Variants in SLX4IP observed in about 807,000 individuals in gnomAD.
SLX4IP encodes protein SLX4IP.
In SLX4IP, 34 loss-of-function variants were observed where a neutral mutation model predicts 32.9. That is an observed-to-expected ratio of 1.03 (90% CI 0.79 to 1.38). The LOEUF (loss-of-function observed/expected upper bound fraction) is 1.38. Among genes scored for constraint, SLX4IP ranks in the 40% most tolerant of loss-of-function variants. The probability of loss-of-function intolerance (pLI) is 0.00; values close to 1 mark genes in which losing one functional copy is unlikely to be tolerated. For missense variants in SLX4IP, 444 were observed against 479.0 expected (o/e 0.93, Z 0.68); for synonymous variants, 172 against 171.7 (o/e 1.00, Z -0.01).
chr20:10,495,971 C>CT (rs2065664423), intron 2 of SLX4IP, among the ~76,000 whole-genome samples: 2 of 150,254 alleles, frequency 1.3e-5, no homozygotes, highest in African/African-American at 4.9e-5. Context: ...TTTTTCAGCC[C>CT]TTTTTGTGCA....
At chr20:10,480,789 C>T (rs912783303) in intron 2 of SLX4IP, among the ~76,000 whole-genome samples, 8 of 152,066 alleles carry the variant, frequency 5.3e-5, no homozygotes, top group African/African-American at 9.7e-5. Flanking sequence ...ATTTCATTTC[C>T]GGAATTGTTT....
chr20:10,523,087 A>G (rs965176889), intron 2 of SLX4IP, among the ~76,000 whole-genome samples: 21 of 152,098 alleles, frequency 1.4e-4, no homozygotes, highest in Non-Finnish European at 2.2e-4. Context: ...CTAAGTGCAA[A>G]CAGAGATCAA....
Position 10,477,857 on chromosome 20 carries a change from T to C in SLX4IP, c.27+19626T>C, listed in dbSNP as rs1600911388. On this transcript the variant is annotated intron_variant, in intron 2 of 7. Coordinates refer to ENST00000334534, the MANE Select transcript of SLX4IP (RefSeq NM_001009608.3). ...GGCATTTTATTTCAGCTGCTTAAGA[T>C]GTGAAATCTGTGTGTTGTGGTGTTC... 3.3e-5 allele frequency among the ~76,000 whole-genome samples: 5 copies of C among 151,958 alleles called. No homozygotes were observed. In the South Asian group the frequency reaches 8.3e-4, roughly 25 times the overall value.
chr20:10,622,280 ATG>A (rs780913879), intron 7 of SLX4IP, among the ~76,000 whole-genome samples: 2 of 151,924 alleles, frequency 1.3e-5, no homozygotes, highest in South Asian at 2.1e-4. Context: ...AATTGTGTGT[ATG>A]TGTACATTTG....
At chr20:10,563,820 A>AT (rs1336089170) in intron 4 of SLX4IP, among the ~76,000 whole-genome samples, 4 of 152,158 alleles carry the variant, frequency 2.6e-5, no homozygotes, top group Non-Finnish European at 5.9e-5. Flanking sequence ...TTTGTAGTAT[A>AT]TTTTGAAATC....
chr20:10,450,888 A>G (rs955151770), intron 1 of SLX4IP, among the ~76,000 whole-genome samples: 1 of 151,690 alleles, frequency 6.6e-6, no homozygotes, highest in African/African-American at 2.4e-5. Flanking sequence ...AGTAGCTGGG[A>G]CTACAGGCGC....
At chr20:10,616,390 TGAAATAAATAAATAAA>T (rs1568774822) in intron 6 of SLX4IP, among the ~76,000 whole-genome samples, 16 of 125,790 alleles carry the variant, frequency 1.3e-4, no homozygotes, top group South Asian at 2.4e-4. Flanking sequence ...AAAAAAAAAA[TGAAATAAATAAATAAA>T]TAAATAAATA....
chr20:10,444,759 T>C (rs2065187813), intron 1 of SLX4IP, among the ~76,000 whole-genome samples: 1 of 152,116 alleles, frequency 6.6e-6, no homozygotes, highest in Non-Finnish European at 1.5e-5. Flanking sequence ...TGTTTGAGCC[T>C]TTTTTAAAAT....
chr20:10,491,281 G>C (rs569218368), intron 2 of SLX4IP, among the ~76,000 whole-genome samples: 1 of 152,276 alleles, frequency 6.6e-6, no homozygotes, highest in South Asian at 2.1e-4. Context: ...TAAAGGAAAT[G>C]AAGAAATTAA....
chr20:10,587,126 A>C (rs1395552477), intron 4 of SLX4IP, among the ~76,000 whole-genome samples: 2 of 152,146 alleles, frequency 1.3e-5, no homozygotes, highest in Non-Finnish European at 2.9e-5. Context: ...TCAAATATAA[A>C]AGCAGAAATC....
chr20:10,481,617 A>T (rs990812507), intron 2 of SLX4IP, among the ~76,000 whole-genome samples: 10 of 152,162 alleles, frequency 6.6e-5, no homozygotes, highest in African/African-American at 2.2e-4. Context: ...TGCTATAGTA[A>T]CGCTGACTTT....
chr20:10,586,438 T>A (rs2066646164), intron 4 of SLX4IP, among the ~76,000 whole-genome samples: 1 of 152,184 alleles, frequency 6.6e-6, no homozygotes, highest in African/African-American at 2.4e-5. Flanking sequence ...ACGAATTTGC[T>A]AGTTGGTTAT....
intron 2 of SLX4IP, among the ~76,000 whole-genome samples, chr20:10,549,893 A>C (rs1161067080): frequency 6.6e-6 from 1 of 152,202 alleles, no homozygotes; most frequent in Non-Finnish European, 1.5e-5. Context: ...ATCACTATAA[A>C]ATTTTGCATT....
chr20:10,546,241 A>G (rs2066160833), intron 2 of SLX4IP, among the ~76,000 whole-genome samples: 1 of 152,192 alleles, frequency 6.6e-6, no homozygotes, highest in African/African-American at 2.4e-5. Context: ...CTTACGGACG[A>G]GTACATTGCA....
At chr20:10,612,576 G>A (rs766420653) in intron 6 of SLX4IP, among the ~76,000 whole-genome samples, 16 of 152,108 alleles carry the variant, frequency 1.1e-4, no homozygotes, top group African/African-American at 2.7e-4. Context: ...ATGCAGTTTC[G>A]CTCCTGTTGC....
At chr20:10,600,083 G>A (rs1038846796) in intron 5 of SLX4IP, among the ~76,000 whole-genome samples, 1 of 151,868 alleles carries the variant, frequency 6.6e-6, no homozygotes, top group East Asian at 1.9e-4. Context: ...AATGAATTCT[G>A]TGGCTCAGTT....
chr20:10,623,646 C>T lies in SLX4IP; in HGVS notation c.*267C>T. ...TTAGTAATGACAAAGAGCCATCCAC[C>T]TTGTCAGGGAGGAGACTGTGCAAGG... On this transcript the variant is annotated 3_prime_UTR_variant, in exon 8 of 8. Coordinates refer to ENST00000334534, the MANE Select transcript of SLX4IP (RefSeq NM_001009608.3). 1 of 487,756 alleles carries T rather than the reference C, an allele frequency of 2.1e-6. No homozygotes were observed. The highest frequency in any genetic ancestry group is 3.6e-6 in the Non-Finnish European group (1 of 278,070). The allele number at this position is 487,756 out of a possible 1,614,324, so 30.2% of individuals were successfully genotyped here. A position where few individuals can be genotyped will look rare whatever the true frequency, so the allele number is the denominator to read the frequency against.
intron 1 of SLX4IP, among the ~76,000 whole-genome samples, chr20:10,454,815 G>A (rs1275065464): frequency 3.3e-5 from 5 of 152,120 alleles, no homozygotes; most frequent in African/African-American, 1.2e-4. Context: ...ATTTTGAAAT[G>A]CTATCAAACT....
At chr20:10,567,381 G>T (rs1488780374) in intron 4 of SLX4IP, among the ~76,000 whole-genome samples, 1 of 152,122 alleles carries the variant, frequency 6.6e-6, no homozygotes, top group East Asian at 1.9e-4. Flanking sequence ...GTTTTAAAAG[G>T]GCTTGATGGA....
Sources: allele counts gnomAD v4.1 joint callset (sites outside exome capture counted in the v4.1 genomes callset), GRCh38; gene constraint gnomAD v4.1.1; transcripts MANE v1.5; gene names NCBI Gene and HGNC (gene_info 2026-07-23, HGNC 2026-07-21).